The following DTD1 variants were observed in gnomAD, a reference collection of about 807,000 sequenced individuals.
DTD1 encodes the protein D-aminoacyl-tRNA deacylase 1.
A neutral mutation model predicts 25.6 loss-of-function variants in DTD1; 13 were observed. That is an observed-to-expected ratio of 0.51 (90% CI 0.33 to 0.81). The LOEUF (loss-of-function observed/expected upper bound fraction) is 0.81. Among genes scored for constraint, DTD1 ranks in the 30% least tolerant of loss-of-function variants. The pLI, the probability that DTD1 is intolerant of heterozygous loss-of-function variation, is 0.02. For missense variants in DTD1, 193 were observed against 266.4 expected, an observed-to-expected ratio of 0.72 and a Z score of 1.92; for synonymous variants, 110 against 103.6, an observed-to-expected ratio of 1.06 and a Z score of -0.37.
At chr20:18,746,592 A>G (rs1457001557) in intron 5 of DTD1, among the ~76,000 whole-genome samples, 1 of 152,128 alleles carries the variant, frequency 6.6e-6, no homozygotes, top group African/African-American at 2.4e-5. Context: ...CTACTCAGAA[A>G]GCTGAGGTGG....
chr20:18,748,952 C>T (rs1454817631), intron 5 of DTD1, among the ~76,000 whole-genome samples: 1 of 152,124 alleles, frequency 6.6e-6, no homozygotes. Context: ...TTTTCCTTCC[C>T]CTTCCCTATA....
At position 18,662,750 on chromosome 20, in the gene DTD1, C is replaced by CT. The variant is rs112928051; in HGVS notation, c.477+34527dup. On this transcript the variant is annotated intron_variant, in intron 4 of 5. Coordinates refer to ENST00000377452, the MANE Select transcript of DTD1 (RefSeq NM_080820.6). ...GAGAGAAGTCAAATATTCCCCCCTC[C>CT]TTTTTTTTTTGTTCCACTTTCCTTT... Among the ~76,000 whole-genome samples, 241 of 148,520 alleles carry CT rather than the reference C, an allele frequency of 1.6e-3. 1 individual carries two copies. Among genetic ancestry groups the CT allele is most frequent in the Middle Eastern group, 6.9e-3 (2 of 288 alleles).
chr20:18,631,416 C>T (rs368088498), intron 4 of DTD1: 23 of 985,738 alleles, frequency 2.3e-5, no homozygotes, highest in Admixed American at 6.1e-5. Context: ...TCCACCTCCT[C>T]AGCAGCTTCC....
At chr20:18,665,143 G>A (rs957585067) in intron 4 of DTD1, among the ~76,000 whole-genome samples, 5 of 152,212 alleles carry the variant, frequency 3.3e-5, no homozygotes, top group African/African-American at 1.2e-4. Context: ...GGAGGAGCAT[G>A]CTCCCAATCT....
At chr20:18,678,282 C>T (rs897866178) in intron 4 of DTD1, among the ~76,000 whole-genome samples, 2 of 152,218 alleles carry the variant, frequency 1.3e-5, no homozygotes, top group South Asian at 2.1e-4. Flanking sequence ...ACCAGCTCAG[C>T]CCCTTAGGTG....
intron 4 of DTD1, among the ~76,000 whole-genome samples, chr20:18,642,532 G>T (rs376302925): frequency 6.6e-5 from 10 of 152,030 alleles, no homozygotes; most frequent in African/African-American, 1.7e-4. Flanking sequence ...GCCTCCCAAA[G>T]TGCTGAGATT....
At chr20:18,618,374 G>C (rs993784805) in intron 3 of DTD1, among the ~76,000 whole-genome samples, 6 of 150,816 alleles carry the variant, frequency 4.0e-5, no homozygotes, top group African/African-American at 1.5e-4. Flanking sequence ...TTTTGAGACA[G>C]GGTCTGGCTC....
intron 4 of DTD1, among the ~76,000 whole-genome samples, chr20:18,700,304 G>C (rs541443731): frequency 1.3e-5 from 2 of 152,200 alleles, no homozygotes; most frequent in Admixed American, 1.3e-4. Flanking sequence ...TTCTTAAATG[G>C]ACTTCTTAAA....
chr20:18,657,584 C>G (rs1365321169), intron 4 of DTD1, among the ~76,000 whole-genome samples: 1 of 152,214 alleles, frequency 6.6e-6, no homozygotes, highest in Non-Finnish European at 1.5e-5. Flanking sequence ...ATAATTCTCA[C>G]CACTGCCTTA....
At chr20:18,716,953 G>A (rs1034626507) in intron 4 of DTD1, among the ~76,000 whole-genome samples, 9 of 151,964 alleles carry the variant, frequency 5.9e-5, no homozygotes, top group Non-Finnish European at 1.0e-4. Context: ...GGTGGGGGAC[G>A]GCAGCTGCAG....
chr20:18,663,792 A>G (rs1006707605), intron 4 of DTD1, among the ~76,000 whole-genome samples: 1 of 152,254 alleles, frequency 6.6e-6, no homozygotes. Context: ...TTCACAGGGC[A>G]GCAGGAGAGA....
intron 4 of DTD1, among the ~76,000 whole-genome samples, chr20:18,672,492 C>A (rs2060954495): frequency 6.6e-6 from 1 of 151,714 alleles, no homozygotes; most frequent in Non-Finnish European, 1.5e-5. Flanking sequence ...CTTATCAATA[C>A]TAACTTTCAA....
intron 4 of DTD1, among the ~76,000 whole-genome samples, chr20:18,680,073 C>A (rs1236759477): frequency 6.6e-6 from 1 of 152,136 alleles, no homozygotes; most frequent in Non-Finnish European, 1.5e-5. Context: ...GATTTATATA[C>A]CTTGTTTATG....
chr20:18,737,553 G>C (rs1568685647), intron 4 of DTD1, among the ~76,000 whole-genome samples: 1 of 152,196 alleles, frequency 6.6e-6, no homozygotes, highest in Non-Finnish European at 1.5e-5. Flanking sequence ...GTCAGCAGGT[G>C]GGCCCGGGTC....
At chr20:18,608,904 C>T (rs2060674341) in intron 3 of DTD1, among the ~76,000 whole-genome samples, 2 of 152,132 alleles carry the variant, frequency 1.3e-5, no homozygotes, top group South Asian at 4.1e-4. Flanking sequence ...TTTCATGTTT[C>T]TGGGGATAAA....
chr20:18,619,550 G>A (rs1360328188), intron 3 of DTD1, among the ~76,000 whole-genome samples: 7 of 152,000 alleles, frequency 4.6e-5, no homozygotes, highest in East Asian at 1.9e-4. Context: ...TCAGTCTCCC[G>A]AGTAGCTAGG....
chr20:18,731,695 A>G (rs1446736373), intron 4 of DTD1, among the ~76,000 whole-genome samples: 4 of 151,992 alleles, frequency 2.6e-5, no homozygotes, highest in Non-Finnish European at 4.4e-5. Context: ...ACTCCCTACT[A>G]CTTTCCCTCT....
At chr20:18,716,030 TC>T (rs2061179204) in intron 4 of DTD1, among the ~76,000 whole-genome samples, 1 of 152,198 alleles carries the variant, frequency 6.6e-6, no homozygotes, top group African/African-American at 2.4e-5. Context: ...GAAAGACCAA[TC>T]CTGCTGTGCT....
chr20:18,668,274 C>T (rs1023953776), intron 4 of DTD1, among the ~76,000 whole-genome samples: 6 of 152,154 alleles, frequency 3.9e-5, no homozygotes, highest in Non-Finnish European at 7.3e-5. Flanking sequence ...CTGAGTGCTA[C>T]CTGGTTGTAG....
Sources: gnomAD v4.1 joint callset for allele counts (sites outside exome capture counted in the v4.1 genomes callset) on GRCh38, gnomAD v4.1.1 for gene constraint, MANE v1.5 for transcripts, NCBI Gene and HGNC (gene_info 2026-07-23, HGNC 2026-07-21) for gene names.